CADM2: variants seen among roughly 807,000 people sequenced by gnomAD.
CADM2 encodes immunoglobulin superfamily member 4D.
A neutral mutation model predicts 49.8 loss-of-function variants in CADM2; 12 were observed. The ratio of observed to expected loss-of-function variants is 0.24; its 90% CI spans 0.15 to 0.39. CADM2 has a LOEUF of 0.39. Ranked by LOEUF, CADM2 falls within the 10% of genes least tolerant of loss-of-function variation. CADM2 has a pLI of 1.00. For missense variants in CADM2, 378 were observed against 492.3 expected, an observed-to-expected ratio of 0.77 and a Z score of 2.20; for synonymous variants, 214 against 175.4, an observed-to-expected ratio of 1.22 and a Z score of -1.74.
In CADM2 at chr3:86,069,403, A is replaced by G. The variant is rs1019190967; in HGVS notation, c.*2620A>G. 5.3e-5 allele frequency: 8 copies of G among 152,018 alleles called. No individual in the cohort carries two copies. Among genetic ancestry groups the G allele is most frequent in the Admixed American group, 2.6e-4 (4 of 15,236 alleles). The allele number at this position is 152,018 out of a possible 1,614,324, so 9.4% of individuals were successfully genotyped here. ...GTGGGATCTAATTAAATGTTTGCCT[A>G]TTAAATATAGTTTGATTTAAATGAG... is the stretch of plus-strand genomic sequence containing the variant. On this transcript the variant is annotated 3_prime_UTR_variant, in exon 10 of 10. Transcript: ENST00000383699.
Position 85,846,811 on chromosome 3 carries a change from A to G in CADM2, c.239-36480A>G, listed in dbSNP as rs1298356234. ...CAGGAGTTCAAGTCTGCAGTGAGCT[A>G]TGATCATGCCACAGTACTCCAGTCT... On this transcript the variant is annotated intron_variant, in intron 3 of 9. Coordinates refer to ENST00000383699, the MANE Select transcript of CADM2 (RefSeq NM_001167675.2). Among the ~76,000 whole-genome samples the G allele has an allele frequency of 2.0e-5, 3 of 152,168 alleles. No individual in the cohort carries two copies. The South Asian group carries it at 6.2e-4, about 31-fold the overall frequency.
intron 8 of CADM2, among the ~76,000 whole-genome samples, chr3:86,015,841 G>A (rs1374966801): frequency 2.0e-5 from 3 of 152,068 alleles, no homozygotes; most frequent in South Asian, 2.1e-4. Flanking sequence ...TGACTTGTCT[G>A]TTTTCTTTCT....
intron 1 of CADM2, among the ~76,000 whole-genome samples, chr3:85,563,742 T>G (rs889623879): frequency 6.6e-6 from 1 of 152,136 alleles, no homozygotes; most frequent in African/African-American, 2.4e-5. Context: ...ATTTGCACGG[T>G]GATGACTAGC....
At chr3:85,123,109 T>C (rs192140161) in intron 1 of CADM2, among the ~76,000 whole-genome samples, 76 of 152,214 alleles carry the variant, frequency 5.0e-4, no homozygotes, top group Admixed American at 4.9e-3. Flanking sequence ...TTTTTCCTAC[T>C]TTTTTTCCCA....
At chr3:85,045,001 G>A (rs1048610148) in intron 1 of CADM2, among the ~76,000 whole-genome samples, 10 of 151,994 alleles carry the variant, frequency 6.6e-5, no homozygotes, top group Admixed American at 3.3e-4. Context: ...GACCAGGTGT[G>A]CATAAGACAT....
chr3:85,542,461 A>G (rs114083126), intron 1 of CADM2, among the ~76,000 whole-genome samples: 3,146 of 152,252 alleles, frequency 0.021, 43 homozygotes, highest in Middle Eastern at 0.034. Context: ...TCACCTTTTC[A>G]TCTCATAAGA....
chr3:85,433,899 T>C (rs1045178942), intron 1 of CADM2, among the ~76,000 whole-genome samples: 11 of 152,100 alleles, frequency 7.2e-5, no homozygotes, highest in Admixed American at 6.6e-5. Flanking sequence ...GTAACCAATT[T>C]GTTCTCCCGC....
chr3:86,064,597 T>C (rs1005995114), intron 8 of CADM2, among the ~76,000 whole-genome samples: 1 of 152,134 alleles, frequency 6.6e-6, no homozygotes, highest in Non-Finnish European at 1.5e-5. Context: ...GGTCAAATGG[T>C]ATTTCTAGTT....
intron 1 of CADM2, among the ~76,000 whole-genome samples, chr3:85,489,530 A>C (rs919406000): frequency 6.6e-6 from 1 of 152,168 alleles, no homozygotes; most frequent in Non-Finnish European, 1.5e-5. Context: ...AACATTAATA[A>C]TCTAGATAAA....
At chr3:85,318,200 T>A (rs112406924) in intron 1 of CADM2, among the ~76,000 whole-genome samples, 2,167 of 146,168 alleles carry the variant, frequency 0.015, 54 homozygotes, top group African/African-American at 0.051. Context: ...AAGAAAAAAA[T>A]ATATATATAG....
At chr3:85,606,505 C>G (rs1052052746) in intron 1 of CADM2, among the ~76,000 whole-genome samples, 1 of 152,026 alleles carries the variant, frequency 6.6e-6, no homozygotes, top group Non-Finnish European at 1.5e-5. Context: ...GGTATATTTA[C>G]TAAATTGTTT....
At position 85,413,103 on chromosome 3, in the gene CADM2, T is replaced by G. The variant is rs975093424; in HGVS notation, c.62-313419T>G. ...TTGCAGTGAGCCGAGATCGCACCAC[T>G]GCACTCCAGCCTGGGCGACAGCAAG... On this transcript the variant is annotated intron_variant, in intron 1 of 9. Coordinates refer to ENST00000383699, the MANE Select transcript of CADM2 (RefSeq NM_001167675.2). Among the ~76,000 whole-genome samples the G allele has an allele frequency of 1.0e-4, 12 of 117,678 alleles. 1 individual carries two copies. The Admixed American group carries it at 1.3e-3, about 13-fold the overall frequency. The allele number at this position is 117,678 out of a possible 152,430, so 77.2% of individuals were successfully genotyped here.
intron 3 of CADM2, among the ~76,000 whole-genome samples, chr3:85,860,001 C>G (rs2108318590): frequency 6.6e-6 from 1 of 152,102 alleles, no homozygotes; most frequent in South Asian, 2.1e-4. Context: ...GAAAACATAA[C>G]CTATTCTTAT....
chr3:85,235,071 T>G (rs2042380443), intron 1 of CADM2, among the ~76,000 whole-genome samples: 1 of 152,074 alleles, frequency 6.6e-6, no homozygotes, highest in Non-Finnish European at 1.5e-5. Flanking sequence ...ACTTTTGTTC[T>G]CTGACTCTTC....
chr3:85,199,187 TATC>T (rs954933386), intron 1 of CADM2, among the ~76,000 whole-genome samples: 3 of 152,014 alleles, frequency 2.0e-5, no homozygotes, highest in African/African-American at 7.2e-5. Context: ...GTGCATAAAA[TATC>T]ATGTGATCTA....
intron 3 of CADM2, among the ~76,000 whole-genome samples, chr3:85,875,325 A>C (rs892852844): frequency 6.6e-6 from 1 of 152,186 alleles, no homozygotes; most frequent in African/African-American, 2.4e-5. Context: ...GGAGCTACCA[A>C]CAAATAAAAT....
intron 1 of CADM2, among the ~76,000 whole-genome samples, chr3:85,292,282 C>A (rs2043821469): frequency 6.7e-6 from 1 of 149,568 alleles, no homozygotes; most frequent in African/African-American, 2.6e-5. Context: ...CACCCAGATT[C>A]ATAAAGCAAG....
intron 1 of CADM2, among the ~76,000 whole-genome samples, chr3:85,586,604 A>C (rs1351989889): frequency 6.6e-6 from 1 of 152,160 alleles, no homozygotes; most frequent in Non-Finnish European, 1.5e-5. Context: ...CCCAAATATC[A>C]GTTAAAATAC....
chr3:85,771,789 A>G (rs2070101558), intron 2 of CADM2, among the ~76,000 whole-genome samples: 1 of 152,078 alleles, frequency 6.6e-6, no homozygotes, highest in African/African-American at 2.4e-5. Context: ...TTTTTCTTCA[A>G]GTTCCATCTC....
Sources: gnomAD v4.1 joint callset for allele counts (sites outside exome capture counted in the v4.1 genomes callset) on GRCh38, gnomAD v4.1.1 for gene constraint, MANE v1.5 for transcripts, NCBI Gene and HGNC (gene_info 2026-07-23, HGNC 2026-07-21) for gene names.